The following C3orf62 variants were observed in gnomAD, a reference collection of about 807,000 sequenced individuals.
C3orf62 encodes the protein uncharacterized protein C3orf62.
C3orf62 carries 16 observed loss-of-function variants against 21.7 expected under a neutral mutation model. That is an observed-to-expected ratio of 0.74 (90% confidence interval 0.50 to 1.12). The LOEUF (loss-of-function observed/expected upper bound fraction) is 1.12, where lower values mean the gene tolerates loss of function less well. C3orf62 is among the 50% of genes most tolerant of loss of function. The pLI is 0.00. For missense variants in C3orf62, 310 were observed against 318.8 expected (o/e 0.97, Z 0.21); for synonymous variants, 114 against 117.0 (o/e 0.97, Z 0.17).
chr3:49,271,924 A>C (rs201803226), intron 2 of C3orf62, among the ~76,000 whole-genome samples: 22,445 of 118,266 alleles, frequency 0.19, 1,387 homozygotes, highest in East Asian at 0.6. Flanking sequence ...AAAAAAAAAA[A>C]CAAAAAAAAA....
Position 49,271,925 on chromosome 3 carries a change from C to CA in C3orf62, c.539-481dup, listed in dbSNP as rs796910213. Among the ~76,000 whole-genome samples the CA allele has an allele frequency of 7.5e-3, 788 of 105,752 alleles. 4 individuals carry two copies. The highest frequency in any genetic ancestry group is 0.029 in the East Asian group (103 of 3,614). The allele number at this position is 105,752 out of a possible 152,430, so 69.4% of individuals were successfully genotyped here. A position where few individuals can be genotyped will look rare whatever the true frequency, so the allele number is the denominator to read the frequency against. On this transcript the variant is annotated intron_variant, in intron 2 of 2. Transcript: ENST00000343010. Reference sequence around the variant, plus strand: ...GGCCCTGTCTCAAAAAAAAAAAAAACAAAAAAAAAAAACAAAAAAACCTCC... The same window carrying CA: ...GGCCCTGTCTCAAAAAAAAAAAAAACAAAAAAAAAAAAACAAAAAAACCTCC...
At chr3:49,271,585 G>T in intron 2 of C3orf62, 140 bp from the exon 3 acceptor site, 1 of 1,131,058 alleles carries the variant, frequency 8.8e-7, no homozygotes, top group Non-Finnish European at 1.3e-6. Context: ...AGGACAGGCA[G>T]GCTGCCAGAC....
In C3orf62 at chr3:49,270,904, A is replaced by C; in HGVS notation, c.*276T>G. ...CCCATGACCCACACCTACCATGGGT[A>C]CTGGGTATATTGAACATCAATCAAA... On this transcript the variant is annotated 3_prime_UTR_variant, in exon 3 of 3. Coordinates refer to ENST00000343010, the MANE Select transcript of C3orf62 (RefSeq NM_198562.3). 2 of 397,734 alleles carry C rather than the reference A, an allele frequency of 5.0e-6. No individual in the cohort carries two copies. The highest frequency in any genetic ancestry group is 9.1e-6 in the Non-Finnish European group (2 of 219,524). 24.6% of individuals were successfully genotyped at this position (397,734 alleles called of 1,614,324 possible).
rs2107753914 is a variant in C3orf62, at chr3:49,268,722, C to G, written c.*2458G>C. On this transcript the variant is annotated 3_prime_UTR_variant, in exon 3 of 3. Transcript: ENST00000343010. ...TTGTGTCTTCTTGGTCTTTAGTGGT[C>G]TGTTGATAGTTTTTGAGTCTTTCCT... 1 of 152,220 alleles carries G rather than the reference C, an allele frequency of 6.6e-6. No homozygotes were observed. Among genetic ancestry groups the G allele is most frequent in the East Asian group, 1.9e-4 (1 of 5,176 alleles). 9.4% of individuals were successfully genotyped at this position (152,220 alleles called of 1,614,324 possible). A position where few individuals can be genotyped will look rare whatever the true frequency, so the allele number is the denominator to read the frequency against.
chr3:49,270,324 A>T lies in C3orf62; in HGVS notation c.*856T>A, dbSNP rs547041582. The stretch of plus-strand genomic sequence containing the variant: ...CCTCTTATTAGCTCAGGAGGTGGGC[A>T]CTTCCCTGAGATTCAGTTTCCTTTC... On this transcript the variant is annotated 3_prime_UTR_variant, in exon 3 of 3. Transcript: ENST00000343010. 1 of 151,538 alleles carries T rather than the reference A, an allele frequency of 6.6e-6. No homozygotes were observed. The highest frequency in any genetic ancestry group is 2.4e-5 in the African/African-American group (1 of 41,298). 9.4% of individuals were successfully genotyped at this position (151,538 alleles called of 1,614,324 possible). A position where few individuals can be genotyped will look rare whatever the true frequency, so the allele number is the denominator to read the frequency against.
rs572210103 is a variant in C3orf62 at position 49,274,157 on chromosome 3, G to A, written c.447-17C>T. ...ATATCTTTCCTGCAGCCCCCAGGTGGGGGGGAAGAAAAGGTGGGGAATTAG... is the reference window on the plus strand; with the variant it reads ...ATATCTTTCCTGCAGCCCCCAGGTGAGGGGGAAGAAAAGGTGGGGAATTAG... On this transcript the variant is annotated splice_polypyrimidine_tract_variant and intron_variant, in intron 1 of 2. Coordinates refer to ENST00000343010, the MANE Select transcript of C3orf62 (RefSeq NM_198562.3). 1.9e-6 allele frequency: 3 copies of A among 1,591,188 alleles called. No individual in the cohort carries two copies. Among genetic ancestry groups the A allele is most frequent in the Admixed American group, 3.4e-5 (2 of 59,638 alleles).
Position 49,277,073 on chromosome 3 carries a change from C to T in C3orf62, c.-201G>A, listed in dbSNP as rs2046969610. The T allele has an allele frequency of 4.7e-6, 7 of 1,488,010 alleles. No individual in the cohort carries two copies. 92.2% of individuals were successfully genotyped at this position (1,488,010 alleles called of 1,614,324 possible). ...CCCAAAGACGCCCCGCCCCACTTCC[C>T]ACAGCTTCCTGGCCCGCCCCGCCGC... On this transcript the variant is annotated 5_prime_UTR_variant, in exon 1 of 3. An upstream open reading frame in the 5' UTR gains an earlier in-frame stop. Coordinates refer to ENST00000343010, the MANE Select transcript of C3orf62 (RefSeq NM_198562.3).
intron 1 of C3orf62, 95 bp downstream of exon 1, chr3:49,276,332 G>A (rs2046959453): frequency 1.2e-5 from 15 of 1,234,110 alleles, no homozygotes; most frequent in Admixed American, 2.2e-5. Flanking sequence ...GGAGGCAAGA[G>A]CACTGTCATG....
At chr3:49,272,633 C>T (rs964463659) in intron 2 of C3orf62, among the ~76,000 whole-genome samples, 1 of 143,428 alleles carries the variant, frequency 7.0e-6, no homozygotes, top group Non-Finnish European at 1.5e-5. Context: ...CAACCTCTGC[C>T]CTCTGCCTCC....
At chr3:49,275,886 C>G (rs187024584) in intron 1 of C3orf62, among the ~76,000 whole-genome samples, 33 of 151,992 alleles carry the variant, frequency 2.2e-4, no homozygotes, top group Non-Finnish European at 3.7e-4. Context: ...TGGGACCAGG[C>G]AATTTCAAGT....
At chr3:49,274,017 A>C in intron 2 of C3orf62, 32 bp downstream of exon 2, 2 of 1,507,886 alleles carry the variant, frequency 1.3e-6, no homozygotes, top group Non-Finnish European at 1.8e-6. Context: ...CTATCTTCCC[A>C]AGGACAGGAT....
intron 2 of C3orf62, 56 bp from the exon 3 acceptor site, chr3:49,271,501 T>G: frequency 6.4e-7 from 1 of 1,562,306 alleles, no homozygotes; most frequent in Non-Finnish European, 8.7e-7. Context: ...CTGAAGACAT[T>G]TCAGGTGCAA....
chr3:49,272,902 T>C (rs910588215), intron 2 of C3orf62, among the ~76,000 whole-genome samples: 3 of 152,046 alleles, frequency 2.0e-5, no homozygotes, highest in African/African-American at 7.2e-5. Context: ...ACTCTCTCCT[T>C]TTTGCCTATG....
In C3orf62 at chr3:49,276,085, T is replaced by C. The variant is rs74315909; in HGVS notation, c.446+342A>G. ...CCAGATTCAAACACAGGAGTTAAGA[T>C]GGAATTAAGACTTTTGTTTCTGCAA... On this transcript the variant is annotated intron_variant, in intron 1 of 2. Coordinates refer to ENST00000343010, the MANE Select transcript of C3orf62 (RefSeq NM_198562.3). Among the ~76,000 whole-genome samples, 1,121 of 152,208 alleles carry C rather than the reference T, an allele frequency of 7.4e-3. 8 individuals carry two copies. The highest frequency in any genetic ancestry group is 0.026 in the African/African-American group (1,079 of 41,526).
rs1267116711 is a variant in C3orf62, at chr3:49,268,818, G to C, written c.*2362C>G. On this transcript the variant is annotated 3_prime_UTR_variant, in exon 3 of 3. Transcript: ENST00000343010. The stretch of plus-strand genomic sequence containing the variant: ...AGTCTTGCTTGTTGCCCAGGCTGGA[G>C]TGCAGTGATGCGATCTTGGCTCACT... 1 of 152,034 alleles carries C rather than the reference G, an allele frequency of 6.6e-6. No homozygotes were observed. The highest frequency in any genetic ancestry group is 1.5e-5 in the Non-Finnish European group (1 of 68,040). The allele number at this position is 152,034 out of a possible 1,614,324, so 9.4% of individuals were successfully genotyped here. A position where few individuals can be genotyped will look rare whatever the true frequency, so the allele number is the denominator to read the frequency against.
Position 49,268,741 on chromosome 3 carries a change from C to G in C3orf62, c.*2439G>C, listed in dbSNP as rs2046896077. 1 of 151,954 alleles carries G rather than the reference C, an allele frequency of 6.6e-6. No individual in the cohort carries two copies. The highest frequency in any genetic ancestry group is 1.5e-5 in the Non-Finnish European group (1 of 68,012). The allele number at this position is 151,954 out of a possible 1,614,324, so 9.4% of individuals were successfully genotyped here. On this transcript the variant is annotated 3_prime_UTR_variant, in exon 3 of 3. Transcript: ENST00000343010. ...AGTGGTCTGTTGATAGTTTTTGAGT[C>G]TTTCCTTATTTTTCATGACCTCAAC...
chr3:49,274,907 T>C (rs1260917538), intron 1 of C3orf62, among the ~76,000 whole-genome samples: 2 of 149,252 alleles, frequency 1.3e-5, no homozygotes, highest in African/African-American at 2.5e-5. Context: ...GCAACCTCCT[T>C]CTCCTGGGTT....
intron 2 of C3orf62, among the ~76,000 whole-genome samples, 172 bp from the exon 3 acceptor site, chr3:49,271,617 G>T (rs182288761): frequency 6.6e-6 from 1 of 152,274 alleles, no homozygotes; most frequent in Non-Finnish European, 1.5e-5. Flanking sequence ...GGTGGGTTTG[G>T]TACCTTCCTT....
intron 1 of C3orf62, 37 bp from the exon 2 acceptor site, chr3:49,274,177 A>C: frequency 6.7e-7 from 1 of 1,484,328 alleles, no homozygotes; most frequent in South Asian, 1.1e-5. Flanking sequence ...AAAGGTGGGG[A>C]ATTAGATTCT....
Sources: allele counts gnomAD v4.1 joint callset (sites outside exome capture counted in the v4.1 genomes callset), GRCh38; gene constraint gnomAD v4.1.1; transcripts MANE v1.5; gene names NCBI Gene and HGNC (gene_info 2026-07-23, HGNC 2026-07-21).